The following SH3GL2 variants were observed in gnomAD, a reference collection of about 807,000 sequenced individuals.
SH3GL2 encodes endophilin-A1.
In SH3GL2, 24 loss-of-function variants were observed where a neutral mutation model predicts 46.0. That is an observed-to-expected ratio of 0.52 (90% CI 0.38 to 0.73). SH3GL2 has a LOEUF of 0.73. Among genes scored for constraint, SH3GL2 ranks in the 30% least tolerant of loss-of-function variants. The pLI is 0.00. For missense variants in SH3GL2, 413 were observed against 424.2 expected (o/e 0.97, Z 0.23); for synonymous variants, 196 against 147.1 (o/e 1.33, Z -2.40).
intron 2 of SH3GL2, among the ~76,000 whole-genome samples, chr9:17,753,756 A>G (rs902645568): frequency 2.6e-5 from 4 of 152,128 alleles, no homozygotes; most frequent in Admixed American, 6.5e-5. Flanking sequence ...GCCCATGCCT[A>G]TGTCCTCAAT....
intron 1 of SH3GL2, among the ~76,000 whole-genome samples, chr9:17,659,317 A>G (rs1480887023): frequency 1.3e-5 from 2 of 152,156 alleles, no homozygotes; most frequent in African/African-American, 2.4e-5. Context: ...CTTCAGTTCC[A>G]TTTATTGGCT....
chr9:17,687,293 A>G (rs150061714), intron 1 of SH3GL2, among the ~76,000 whole-genome samples: 169 of 152,218 alleles, frequency 1.1e-3, no homozygotes, highest in African/African-American at 3.8e-3. Flanking sequence ...GGTACAAGGT[A>G]TTGAAAGTTT....
intron 1 of SH3GL2, among the ~76,000 whole-genome samples, chr9:17,667,659 T>C (rs1275061757): frequency 6.6e-6 from 1 of 152,222 alleles, no homozygotes. Context: ...ATTTTCTTTT[T>C]TTTGCATATA....
Position 17,791,214 on chromosome 9 carries a change from T to A in SH3GL2, c.625-17T>A. 2 of 1,586,556 alleles carry A rather than the reference T, an allele frequency of 1.3e-6. No individual in the cohort carries two copies. Among genetic ancestry groups the A allele is most frequent in the Non-Finnish European group, 1.7e-6 (2 of 1,155,106 alleles). On this transcript the variant is annotated splice_polypyrimidine_tract_variant and intron_variant, in intron 6 of 8. Coordinates refer to ENST00000380607, the MANE Select transcript of SH3GL2 (RefSeq NM_003026.5). ...TAACGTGTAAAACTAAGGCATGATTTTCCCATCAATCTGCAGATTGAACAA... is the reference window on the plus strand; with the variant it reads ...TAACGTGTAAAACTAAGGCATGATTATCCCATCAATCTGCAGATTGAACAA...
intron 1 of SH3GL2, among the ~76,000 whole-genome samples, chr9:17,737,871 T>C (rs1377971712): frequency 2.0e-5 from 3 of 152,104 alleles, no homozygotes; most frequent in African/African-American, 4.8e-5. Context: ...CTTTTTGTCA[T>C]GTAGGAACTT....
chr9:17,681,374 C>T (rs75614539), intron 1 of SH3GL2, among the ~76,000 whole-genome samples: 1,627 of 151,986 alleles, frequency 0.011, 26 homozygotes, highest in African/African-American at 0.037. Context: ...TTGTATTTTC[C>T]GCTGTCTCTT....
intron 3 of SH3GL2, among the ~76,000 whole-genome samples, chr9:17,763,634 G>T (rs879018443): frequency 6.6e-6 from 1 of 152,196 alleles, no homozygotes; most frequent in Admixed American, 6.5e-5. Context: ...CCGGTATGCT[G>T]AACTGTGAGG....
At chr9:17,590,419 A>G (rs1347553815) in intron 1 of SH3GL2, 1 of 152,200 alleles carries the variant, frequency 6.6e-6, no homozygotes, top group Admixed American at 6.5e-5. Flanking sequence ...CTGATGATGA[A>G]CCTTGCACTT....
chr9:17,788,384 C>CG (rs918455632), intron 5 of SH3GL2, among the ~76,000 whole-genome samples: 1 of 151,956 alleles, frequency 6.6e-6, no homozygotes, highest in Non-Finnish European at 1.5e-5. Context: ...GACTGAGGGG[C>CG]GGGGGATGCA....
intron 1 of SH3GL2, among the ~76,000 whole-genome samples, chr9:17,746,552 C>G (rs1822693028): frequency 6.6e-6 from 1 of 152,188 alleles, no homozygotes; most frequent in South Asian, 2.1e-4. Flanking sequence ...ATGAGACAGA[C>G]TATACTATAC....
Position 17,594,137 on chromosome 9 carries a change from A to T in SH3GL2, c.45+14850A>T, listed in dbSNP as rs535231222. Among the ~76,000 whole-genome samples, 90 of 152,234 alleles carry T rather than the reference A, an allele frequency of 5.9e-4. 1 individual carries two copies. Among genetic ancestry groups the T allele is most frequent in the African/African-American group, 2.2e-3 (90 of 41,530 alleles). On this transcript the variant is annotated intron_variant, in intron 1 of 8. Transcript: ENST00000380607. ...TCAGTGGCTCCTTATGGCTCCCAGG[A>T]TAGGTCCCTCTGAAGTCCTGTTCAG...
At chr9:17,605,098 G>A (rs762159881) in intron 1 of SH3GL2, among the ~76,000 whole-genome samples, 4 of 151,078 alleles carry the variant, frequency 2.6e-5, no homozygotes, top group Non-Finnish European at 4.4e-5. Flanking sequence ...TTAGCCTCCC[G>A]AGTAGCTGGG....
At chr9:17,681,624 A>G (rs1820769135) in intron 1 of SH3GL2, among the ~76,000 whole-genome samples, 2 of 149,486 alleles carry the variant, frequency 1.3e-5, no homozygotes, top group African/African-American at 5.0e-5. Flanking sequence ...AGGCAGTGCC[A>G]TTCAAGACAT....
intron 1 of SH3GL2, among the ~76,000 whole-genome samples, chr9:17,631,159 T>C (rs10119452): frequency 6.6e-6 from 1 of 152,144 alleles, no homozygotes; most frequent in Non-Finnish European, 1.5e-5. Context: ...TGCACCAACC[T>C]AATATTAAGT....
intron 1 of SH3GL2, among the ~76,000 whole-genome samples, chr9:17,698,159 A>G (rs1031505058): frequency 1.1e-4 from 16 of 152,218 alleles, no homozygotes; most frequent in Non-Finnish European, 2.4e-4. Flanking sequence ...CTGGATAGGA[A>G]GACTTTGCAG....
intron 1 of SH3GL2, among the ~76,000 whole-genome samples, chr9:17,713,073 GT>G (rs1328375768): frequency 2.6e-4 from 38 of 144,064 alleles, no homozygotes; most frequent in South Asian, 6.6e-4. Context: ...AGTGTGCTGG[GT>G]TTTTTTTTTT....
chr9:17,789,331 G>C, intron 5 of SH3GL2, 61 bp from the exon 6 acceptor site: 2 of 1,376,198 alleles, frequency 1.5e-6, no homozygotes, highest in Non-Finnish European at 2.0e-6. Flanking sequence ...GGAGAAGTGA[G>C]CTCAAATAAG....
chr9:17,579,567 C>T (rs1020105287), intron 1 of SH3GL2, among the ~76,000 whole-genome samples: 2 of 152,278 alleles, frequency 1.3e-5, no homozygotes, highest in South Asian at 2.1e-4. Context: ...ATCTCGCGCC[C>T]GTGCTGCAGG....
At chr9:17,749,873 A>G (rs530416057) in intron 2 of SH3GL2, among the ~76,000 whole-genome samples, 31 of 152,232 alleles carry the variant, frequency 2.0e-4, no homozygotes, top group Non-Finnish European at 3.8e-4. Flanking sequence ...CTCCTAATTT[A>G]TAGAAATGTT....
Sources: allele counts gnomAD v4.1 joint callset (sites outside exome capture counted in the v4.1 genomes callset), GRCh38; gene constraint gnomAD v4.1.1; transcripts MANE v1.5; gene names NCBI Gene and HGNC (gene_info 2026-07-23, HGNC 2026-07-21).